PPP2R1B: variants seen among roughly 807,000 people sequenced by gnomAD.
The protein encoded by PPP2R1B is serine/threonine-protein phosphatase 2A 65 kDa regulatory subunit A beta isoform.
Under a neutral mutation model 72.7 loss-of-function variants are expected in PPP2R1B, and 58 were observed. That is an observed-to-expected ratio of 0.80 (90% CI 0.65 to 0.99). PPP2R1B has a LOEUF of 0.99. PPP2R1B is among the 50% of genes least tolerant of loss of function. The probability of loss-of-function intolerance (pLI) is 0.00; values close to 1 mark genes in which losing one functional copy is unlikely to be tolerated. For missense variants in PPP2R1B, 695 were observed against 733.6 expected (o/e 0.95, Z 0.61); for synonymous variants, 256 against 264.6 (o/e 0.97, Z 0.32).
intron 12 of PPP2R1B, 112 bp from the exon 13 acceptor site, chr11:111,742,777 A>G: frequency 4.8e-6 from 5 of 1,038,870 alleles, no homozygotes; most frequent in Non-Finnish European, 6.5e-6. Flanking sequence ...AAATATTTCT[A>G]GTTTGAGCAG....
chr11:111,724,020 C>T (rs760943992), downstream of PPP2R1B: 1 of 1,614,158 alleles, frequency 6.2e-7, no homozygotes. Context: ...CTGCAAGAGG[C>T]CCCCTCCAGC....
the PPP2R1B span, chr11:111,703,480 C>T: frequency 2.0e-6 from 3 of 1,488,006 alleles, no homozygotes; most frequent in Admixed American, 3.4e-5. Flanking sequence ...AAATTTCATG[C>T]TCACACCTGT....
At chr11:111,744,752 G>C (rs1944645413) in intron 11 of PPP2R1B, among the ~76,000 whole-genome samples, 1 of 152,124 alleles carries the variant, frequency 6.6e-6, no homozygotes, top group Non-Finnish European at 1.5e-5. Flanking sequence ...CTCCAACCAA[G>C]AAATAGGCAA....
intron 5 of PPP2R1B, among the ~76,000 whole-genome samples, chr11:111,757,215 A>G (rs1945156632): frequency 6.6e-6 from 1 of 152,208 alleles, no homozygotes; most frequent in African/African-American, 2.4e-5. Flanking sequence ...ATCTTAATAC[A>G]TGTAAACATT....
chr11:111,757,852 AAAT>A (rs1169926577), intron 5 of PPP2R1B, among the ~76,000 whole-genome samples: 5 of 151,938 alleles, frequency 3.3e-5, no homozygotes, highest in Non-Finnish European at 7.4e-5. Flanking sequence ...AAAAAAAAAA[AAAT>A]TACTTCTCTT....
chr11:111,690,573 A>G, the PPP2R1B span, among the ~76,000 whole-genome samples: 1 of 151,920 alleles, frequency 6.6e-6, no homozygotes. Flanking sequence ...TAAGCCCTGC[A>G]TGGATTAGGT....
the PPP2R1B span, among the ~76,000 whole-genome samples, chr11:111,715,832 ACT>A: frequency 1.8e-5 from 2 of 112,060 alleles, no homozygotes; most frequent in Non-Finnish European, 3.3e-5. Context: ...ATGGAGTATC[ACT>A]CTTGTCACCC....
In PPP2R1B at chr11:111,741,303, G is replaced by GT. The variant is rs1944510012; in HGVS notation, c.*292dup. On this transcript the variant is annotated 3_prime_UTR_variant, in exon 15 of 15. Coordinates refer to ENST00000527614, the MANE Select transcript of PPP2R1B (RefSeq NM_002716.5). ...TATGTGGCTGGTGCCTGATTCCACA[G>GT]TGAGGATGCAGGAGCCCAGGTGGTG... The GT allele has an allele frequency of 1.1e-5, 13 of 1,208,344 alleles. No individual in the cohort carries two copies. Among genetic ancestry groups the GT allele is most frequent in the Non-Finnish European group, 1.2e-5 (12 of 969,690 alleles). The allele number at this position is 1,208,344 out of a possible 1,614,324, so 74.9% of individuals were successfully genotyped here.
intron 15 of PPP2R1B, among the ~76,000 whole-genome samples, chr11:111,732,165 G>A (rs1439008806): frequency 1.3e-5 from 2 of 152,252 alleles, no homozygotes; most frequent in African/African-American, 4.8e-5. Flanking sequence ...GGTGGGAACA[G>A]GGCCCAAGGT....
chr11:111,761,236 G>A (rs781975515), intron 3 of PPP2R1B, 185 bp from the exon 4 acceptor site: 11 of 694,754 alleles, frequency 1.6e-5, no homozygotes, highest in Non-Finnish European at 2.6e-5. Flanking sequence ...CCAAAGACAC[G>A]ACTTCTGTAG....
At chr11:111,752,087 G>A (rs1310772899) in intron 10 of PPP2R1B, 72 bp downstream of exon 10, 5 of 1,457,150 alleles carry the variant, frequency 3.4e-6, no homozygotes, top group Non-Finnish European at 4.6e-6. Context: ...AGGCTACTAG[G>A]CCTCCTACTT....
At chr11:111,726,015 T>A (rs1943953580), downstream of PPP2R1B, 2 of 152,232 alleles carry the variant, frequency 1.3e-5, no homozygotes, top group Non-Finnish European at 2.9e-5. Flanking sequence ...TGCTTAAGAT[T>A]GATGATTTCG....
downstream of PPP2R1B, among the ~76,000 whole-genome samples, chr11:111,734,100 G>A (rs1254620481): frequency 1.3e-5 from 2 of 152,202 alleles, no homozygotes; most frequent in African/African-American, 2.4e-5. Flanking sequence ...GGTTTACTGC[G>A]AGGGGCAAAT....
At chr11:111,719,534 CAG>C in the PPP2R1B span, among the ~76,000 whole-genome samples, 1 of 152,088 alleles carries the variant, frequency 6.6e-6, no homozygotes, top group African/African-American at 2.4e-5. Context: ...AATGATGACT[CAG>C]AGAAACCTGG....
intron 3 of PPP2R1B, chr11:111,761,331 A>T: frequency 1.9e-6 from 1 of 521,348 alleles, no homozygotes; most frequent in Non-Finnish European, 3.6e-6. Flanking sequence ...CACAATATTA[A>T]TATTACTGTG....
intron 10 of PPP2R1B, among the ~76,000 whole-genome samples, chr11:111,749,500 G>T (rs1944824603): frequency 1.3e-5 from 2 of 151,720 alleles, no homozygotes; most frequent in African/African-American, 2.4e-5. Flanking sequence ...GGTCAGGCTG[G>T]GCTCAAACTC....
At position 111,739,080 on chromosome 11, in the gene PPP2R1B, C is replaced by T; in HGVS notation, c.*2516G>A. Reference sequence around the variant, plus strand: ...CCACATAAAGCTTGTTTCCTGAAAGCAGGAAAATCTTTCTGTCAGTGGGAG... The same window carrying T: ...CCACATAAAGCTTGTTTCCTGAAAGTAGGAAAATCTTTCTGTCAGTGGGAG... On this transcript the variant is annotated 3_prime_UTR_variant, in exon 15 of 15. Transcript: ENST00000527614. The T allele has an allele frequency of 1.0e-6, 1 of 985,366 alleles. No individual in the cohort carries two copies. Among genetic ancestry groups the T allele is most frequent in the Non-Finnish European group, 1.2e-6 (1 of 829,932 alleles). The allele number at this position is 985,366 out of a possible 1,614,324, so 61.0% of individuals were successfully genotyped here.
At chr11:111,720,867 T>C in the PPP2R1B span, 1 of 1,607,738 alleles carries the variant, frequency 6.2e-7, no homozygotes, top group Middle Eastern at 1.7e-4. Context: ...TGTATTTTAG[T>C]TAAACTGTTT....
the PPP2R1B span, among the ~76,000 whole-genome samples, chr11:111,693,758 T>C: frequency 6.6e-6 from 1 of 152,212 alleles, no homozygotes; most frequent in Non-Finnish European, 1.5e-5. Flanking sequence ...TTATTTACAC[T>C]TTCTAGGCCT....
Sources: allele counts gnomAD v4.1 joint callset (sites outside exome capture counted in the v4.1 genomes callset), GRCh38; gene constraint gnomAD v4.1.1; transcripts MANE v1.5; gene names NCBI Gene and HGNC (gene_info 2026-07-23, HGNC 2026-07-21).